Variants in HMGCLL1 observed in about 807,000 individuals in gnomAD.
The protein encoded by HMGCLL1 is 3-hydroxy-3-methylglutaryl-CoA lyase like 1, also known as 3-hydroxymethyl-3-methylglutaryl-CoA lyase, cytoplasmic.
HMGCLL1 carries 36 observed loss-of-function variants against 39.1 expected under a neutral mutation model. That is an observed-to-expected ratio of 0.92 (90% CI 0.71 to 1.22). The LOEUF is 1.22. Ranked by LOEUF, HMGCLL1 falls within the 50% of genes most tolerant of loss-of-function variation. The probability of loss-of-function intolerance (pLI) is 0.00; values close to 1 mark genes in which losing one functional copy is unlikely to be tolerated. For missense variants in HMGCLL1, 451 were observed against 416.5 expected, an observed-to-expected ratio of 1.08 and a Z score of -0.72; for synonymous variants, 149 against 144.0, an observed-to-expected ratio of 1.03 and a Z score of -0.25.
chr6:55,524,991 ATAT>A (rs1768240789), intron 3 of HMGCLL1, among the ~76,000 whole-genome samples: 1 of 151,498 alleles, frequency 6.6e-6, no homozygotes. Context: ...ATAGTAATTA[ATAT>A]TATCTGTTAT....
At chr6:55,520,415 T>C (rs1160549193) in intron 3 of HMGCLL1, among the ~76,000 whole-genome samples, 1 of 151,988 alleles carries the variant, frequency 6.6e-6, no homozygotes, top group African/African-American at 2.4e-5. Context: ...ATCACTACTT[T>C]TACATTTTTA....
At position 55,531,859 on chromosome 6, in the gene HMGCLL1, C is replaced by A. The variant is rs372010524; in HGVS notation, c.297+9870G>T. 3.3e-5 allele frequency among the ~76,000 whole-genome samples: 5 copies of A among 152,192 alleles called. No individual in the cohort carries two copies. In the East Asian group the frequency reaches 7.7e-4, roughly 24 times the overall value. On this transcript the variant is annotated intron_variant, in intron 3 of 8. Coordinates refer to ENST00000274901, the MANE Select transcript of HMGCLL1 (RefSeq NM_001042406.2). ...TGAACTGTCGCTGTCTTTATCATCC[C>A]CATATGGGACTGTCTAGTTGCAGGA...
At chr6:55,442,390 C>T (rs763811834) in intron 7 of HMGCLL1, among the ~76,000 whole-genome samples, 33 of 152,048 alleles carry the variant, frequency 2.2e-4, no homozygotes, top group Non-Finnish European at 3.5e-4. Context: ...TGGGTTATAA[C>T]GTAATACCAA....
chr6:55,477,216 T>TAATA (rs1554143195), intron 7 of HMGCLL1, among the ~76,000 whole-genome samples: 1 of 14,268 alleles, frequency 7.0e-5, no homozygotes, highest in Non-Finnish European at 9.7e-5. Context: ...ATATATTATA[T>TAATA]TATAATATAT....
chr6:55,571,571 C>T (rs1419830520), intron 1 of HMGCLL1, among the ~76,000 whole-genome samples: 2 of 151,876 alleles, frequency 1.3e-5, no homozygotes, highest in South Asian at 2.1e-4. Context: ...TTTGGGAGGC[C>T]GGGGCAGGCA....
At position 55,562,121 on chromosome 6, in the gene HMGCLL1, G is replaced by A. The variant is rs536971964; in HGVS notation, c.108+16827C>T. Among the ~76,000 whole-genome samples the A allele has an allele frequency of 2.6e-4, 40 of 151,990 alleles. 1 individual carries two copies. Among genetic ancestry groups the A allele is most frequent in the African/African-American group, 8.7e-4 (36 of 41,530 alleles). On this transcript the variant is annotated intron_variant, in intron 1 of 8. Transcript: ENST00000274901. ...GTTTATATATTTTCTTCTTTTAGAT[G>A]AGGAACCCAAATTTCCTGAGATTGT...
rs369479879 is a variant in HMGCLL1, at chr6:55,578,994, T to C, written c.62A>G (p.His21Arg). The C allele has an allele frequency of 1.9e-6, 3 of 1,613,796 alleles. No individual in the cohort carries two copies. In the South Asian group the frequency reaches 3.3e-5, roughly 18 times the overall value. The change falls in exon 1 of 9, where the codon CAT becomes CGT. Residue 21 changes from histidine to arginine, a missense_variant. Physicochemically the swap from His to Arg is conservative, Grantham distance 29 (BLOSUM62 0). Transcript: ENST00000274901. ...CLSYQQLLRE[H>R]LWIGDSVAGA... is the part of the protein sequence containing the mutation. ...TGCCACTGAATCCCCGATCCAGAGATGCTCCCGGAGAAGCTGCTGGTAGCT... is the reference window on the plus strand; with the variant it reads ...TGCCACTGAATCCCCGATCCAGAGACGCTCCCGGAGAAGCTGCTGGTAGCT...
intron 8 of HMGCLL1, among the ~76,000 whole-genome samples, chr6:55,437,253 A>G (rs918491649): frequency 6.6e-6 from 1 of 151,994 alleles, no homozygotes; most frequent in Admixed American, 6.6e-5. Flanking sequence ...ACTATGATAG[A>G]TTCTGGAGTT....
At chr6:55,637,895 G>A in the HMGCLL1 span, among the ~76,000 whole-genome samples, 1 of 151,988 alleles carries the variant, frequency 6.6e-6, no homozygotes, top group Non-Finnish European at 1.5e-5. Flanking sequence ...AAGAGGAAGG[G>A]CACTAAGAAA....
intron 3 of HMGCLL1, among the ~76,000 whole-genome samples, chr6:55,536,633 T>G (rs1018337387): frequency 6.6e-6 from 1 of 150,454 alleles, no homozygotes; most frequent in African/African-American, 2.4e-5. Flanking sequence ...TTTCAAATGT[T>G]CTTATATTTC....
At chr6:55,462,711 T>C (rs1393897204) in intron 7 of HMGCLL1, among the ~76,000 whole-genome samples, 2 of 152,154 alleles carry the variant, frequency 1.3e-5, no homozygotes, top group East Asian at 1.9e-4. Flanking sequence ...GGTCTAATAA[T>C]TATTTTGAAC....
At chr6:55,590,348 A>G in the HMGCLL1 span, among the ~76,000 whole-genome samples, 3 of 152,160 alleles carry the variant, frequency 2.0e-5, no homozygotes, top group Non-Finnish European at 4.4e-5. Context: ...GGCTAGCCGT[A>G]TGTAGAAAGC....
At chr6:55,588,683 A>G in the HMGCLL1 span, among the ~76,000 whole-genome samples, 1 of 152,180 alleles carries the variant, frequency 6.6e-6, no homozygotes, top group South Asian at 2.1e-4. Flanking sequence ...AAGAAAAGAG[A>G]GAAGAATCAA....
chr6:55,561,773 T>A (rs1045789133), intron 1 of HMGCLL1, among the ~76,000 whole-genome samples: 1 of 152,184 alleles, frequency 6.6e-6, no homozygotes, highest in Admixed American at 6.6e-5. Flanking sequence ...TCTAATTCCA[T>A]AGTTTGAAGA....
chr6:55,622,700 A>G, the HMGCLL1 span, among the ~76,000 whole-genome samples: 10 of 152,052 alleles, frequency 6.6e-5, no homozygotes, highest in African/African-American at 1.9e-4. Flanking sequence ...CGTTCATCAG[A>G]TAAATTGAAC....
chr6:55,458,436 C>T (rs1324522986), intron 7 of HMGCLL1, among the ~76,000 whole-genome samples: 5 of 152,082 alleles, frequency 3.3e-5, no homozygotes, highest in Non-Finnish European at 7.4e-5. Context: ...AATCACTCTC[C>T]CAAAAGTTTT....
chr6:55,610,390 A>G, the HMGCLL1 span, among the ~76,000 whole-genome samples: 8,610 of 151,992 alleles, frequency 0.057, 415 homozygotes, highest in Non-Finnish European at 0.08. Flanking sequence ...TGAAACATAT[A>G]TAAATATCAA....
intron 1 of HMGCLL1, among the ~76,000 whole-genome samples, chr6:55,553,497 G>A (rs1770479927): frequency 6.6e-6 from 1 of 151,942 alleles, no homozygotes. Context: ...AAACTCTAGA[G>A]ACAAACAATC....
chr6:55,618,241 T>C, the HMGCLL1 span, among the ~76,000 whole-genome samples: 1 of 151,950 alleles, frequency 6.6e-6, no homozygotes, highest in Non-Finnish European at 1.5e-5. Flanking sequence ...ACCTGGGAGA[T>C]ATTATGTGGG....
Sources: gnomAD v4.1 joint callset for allele counts (sites outside exome capture counted in the v4.1 genomes callset) on GRCh38, gnomAD v4.1.1 for gene constraint, MANE v1.5 for transcripts, NCBI Gene and HGNC (gene_info 2026-07-23, HGNC 2026-07-21) for gene names.